FRAS1: variants seen among roughly 807,000 people sequenced by gnomAD.
The protein encoded by FRAS1 is extracellular matrix organizing protein FRAS1.
FRAS1 carries 290 observed loss-of-function variants against 435.2 expected under a neutral mutation model. That is an observed-to-expected ratio of 0.67 (90% CI 0.61 to 0.73). The LOEUF is 0.73. Among genes scored for constraint, FRAS1 ranks in the 30% least tolerant of loss-of-function variants. The probability of loss-of-function intolerance (pLI) is 0.00; values close to 1 mark genes in which losing one functional copy is unlikely to be tolerated. For missense variants in FRAS1, 4,860 were observed against 5,001.5 expected, an observed-to-expected ratio of 0.97 and a Z score of 0.85; for synonymous variants, 1,800 against 1,851.0, an observed-to-expected ratio of 0.97 and a Z score of 0.71.
chr4:78,192,906 A>C (rs544501552), intron 2 of FRAS1, among the ~76,000 whole-genome samples: 1 of 152,290 alleles, frequency 6.6e-6, no homozygotes, highest in African/African-American at 2.4e-5. Flanking sequence ...TCTTGTGGGC[A>C]TTTGGTACTA....
chr4:78,384,207 A>G, intron 28 of FRAS1, 64 bp downstream of exon 28: 1 of 1,131,246 alleles, frequency 8.8e-7, no homozygotes, highest in Non-Finnish European at 1.3e-6. Context: ...CACGAAATCT[A>G]GGTTTCCTGT....
chr4:78,286,057 T>TA (rs11368630), intron 13 of FRAS1, among the ~76,000 whole-genome samples: 6,833 of 152,232 alleles, frequency 0.045, 534 homozygotes, highest in African/African-American at 0.15. Context: ...GAAAAGAACA[T>TA]AGACTCCTGA....
Position 78,466,396 on chromosome 4 carries a change from G to A in FRAS1, c.7218G>A (p.Gly2406=), listed in dbSNP as rs373828330. 6.2e-6 allele frequency: 10 copies of A among 1,613,786 alleles called. No individual in the cohort carries two copies. Among genetic ancestry groups the A allele is most frequent in the Non-Finnish European group, 8.5e-6 (10 of 1,179,842 alleles). Reference sequence around the variant, plus strand: ...GGTTCACCTTCACTGTTTCTGATGGGACAAACCCCTTCTTTATCATTGAGG... The same window carrying A: ...GGTTCACCTTCACTGTTTCTGATGGAACAAACCCCTTCTTTATCATTGAGG... The part of the protein sequence containing the change: ...KDRFTFTVSD[G]TNPFFIIEEG... The change falls in exon 50 of 74, where the codon GGG becomes GGA. Residue 2406 remains glycine, a synonymous_variant. Transcript: ENST00000512123.
At position 78,481,813 on chromosome 4, in the gene FRAS1, A is replaced by G. The variant is rs753016610; in HGVS notation, c.8453A>G (p.Lys2818Arg). 2 of 1,613,902 alleles carry G rather than the reference A, an allele frequency of 1.2e-6. No homozygotes were observed. The highest frequency in any genetic ancestry group is 1.7e-6 in the Non-Finnish European group (2 of 1,179,814). ...ATGAATCTTAATTCAGGCACAGTAA[A>G]GATTCCAGTTATCCGCCATGGTACT... ...FTVSEDAGTV[K>R]IPVIRHGTDL... The change falls in exon 57 of 74, where the codon AAG becomes AGG. Residue 2818 changes from lysine to arginine, a missense_variant. Coordinates refer to ENST00000512123, the MANE Select transcript of FRAS1 (RefSeq NM_025074.7).
intron 2 of FRAS1, among the ~76,000 whole-genome samples, chr4:78,220,134 C>A (rs895493583): frequency 2.0e-5 from 3 of 152,178 alleles, no homozygotes; most frequent in Admixed American, 2.0e-4. Context: ...TAACACTGTT[C>A]CCTCATTTAT....
chr4:78,466,988 T>G (rs1250213459), intron 50 of FRAS1, among the ~76,000 whole-genome samples: 6 of 152,190 alleles, frequency 3.9e-5, no homozygotes, highest in Non-Finnish European at 8.8e-5. Flanking sequence ...ATGGGGTACA[T>G]GAGATGTTTT....
At chr4:78,173,980 C>T (rs1721659151) in intron 2 of FRAS1, among the ~76,000 whole-genome samples, 1 of 152,226 alleles carries the variant, frequency 6.6e-6, no homozygotes, top group South Asian at 2.1e-4. Flanking sequence ...CTTCACTGTA[C>T]AGATGGTGTA....
chr4:78,394,328 G>T (rs1336563391), intron 29 of FRAS1, among the ~76,000 whole-genome samples: 1 of 151,916 alleles, frequency 6.6e-6, no homozygotes, highest in Admixed American at 6.6e-5. Context: ...TTTTCTTCTA[G>T]GTCTTTCACA....
chr4:78,249,048 G>GCATATATATATATGCATATATATATGC (rs1553934018), intron 4 of FRAS1, among the ~76,000 whole-genome samples: 1 of 27,530 alleles, frequency 3.6e-5, no homozygotes, highest in African/African-American at 8.4e-5. Context: ...AAGAACTACT[G>GCATATATATATATGCATATATATATGC]ATATATATAT....
In FRAS1 at chr4:78,365,401, G is replaced by A. The variant is rs1006580441; in HGVS notation, c.2722+1347G>A. Among the ~76,000 whole-genome samples the A allele has an allele frequency of 2.6e-5, 4 of 152,132 alleles. No homozygotes were observed. In the South Asian group the frequency reaches 8.3e-4, roughly 31 times the overall value. Reference sequence around the variant, plus strand: ...TGAAATACTTCCATCTTCTATTCAGGAGCAAGAGAGTGCTGGTGGAGAAAT... The same window carrying A: ...TGAAATACTTCCATCTTCTATTCAGAAGCAAGAGAGTGCTGGTGGAGAAAT... On this transcript the variant is annotated intron_variant, in intron 22 of 73. Transcript: ENST00000512123.
chr4:78,534,072 T>C (rs1050044243), intron 70 of FRAS1, among the ~76,000 whole-genome samples: 3 of 151,962 alleles, frequency 2.0e-5, no homozygotes, highest in African/African-American at 7.3e-5. Context: ...AAAGTTTTGA[T>C]CAGGTTGAAA....
intron 1 of FRAS1, among the ~76,000 whole-genome samples, chr4:78,063,443 C>T (rs1469431489): frequency 1.3e-5 from 2 of 152,178 alleles, no homozygotes; most frequent in African/African-American, 2.4e-5. Context: ...CCAGGTAGAA[C>T]TGTTCTGTTT....
chr4:78,101,900 C>T (rs575625729), intron 2 of FRAS1, among the ~76,000 whole-genome samples: 7 of 152,200 alleles, frequency 4.6e-5, no homozygotes, highest in Admixed American at 2.6e-4. Context: ...GTTTTCATTC[C>T]GCTCGTGTCC....
intron 18 of FRAS1, among the ~76,000 whole-genome samples, chr4:78,328,901 C>G (rs1213933125): frequency 6.6e-6 from 1 of 152,178 alleles, no homozygotes; most frequent in African/African-American, 2.4e-5. Context: ...GGAGGATCAG[C>G]TCATTCTTTC....
intron 26 of FRAS1, chr4:78,379,452 G>A: frequency 2.6e-6 from 1 of 391,648 alleles, no homozygotes; most frequent in South Asian, 2.9e-5. Flanking sequence ...CACACCTGAG[G>A]ACCTCCCACT....
chr4:78,481,349 C>T (rs939930939), intron 56 of FRAS1, among the ~76,000 whole-genome samples: 39 of 152,186 alleles, frequency 2.6e-4, no homozygotes, highest in Admixed American at 9.2e-4. Flanking sequence ...TAGAAACATT[C>T]AGCTTCAGGC....
At chr4:78,430,026 A>G (rs1734150675) in intron 36 of FRAS1, among the ~76,000 whole-genome samples, 1 of 152,210 alleles carries the variant, frequency 6.6e-6, no homozygotes, top group African/African-American at 2.4e-5. Flanking sequence ...TCCTCTGTGC[A>G]TGCTGTCATT....
intron 37 of FRAS1, 136 bp from the exon 38 acceptor site, chr4:78,432,221 G>A: frequency 1.4e-6 from 1 of 696,676 alleles, no homozygotes; most frequent in Non-Finnish European, 2.2e-6. Flanking sequence ...TATAGTAGGT[G>A]AGTGGTTGGA....
chr4:78,340,935 C>A (rs1730374608), intron 20 of FRAS1, among the ~76,000 whole-genome samples: 1 of 152,086 alleles, frequency 6.6e-6, no homozygotes, highest in African/African-American at 2.4e-5. Flanking sequence ...GCCCTATATC[C>A]AACTACAGAT....
Sources: allele counts gnomAD v4.1 joint callset (sites outside exome capture counted in the v4.1 genomes callset), GRCh38; gene constraint gnomAD v4.1.1; transcripts MANE v1.5; gene names NCBI Gene and HGNC (gene_info 2026-07-23, HGNC 2026-07-21).